KCND2: variants seen among roughly 807,000 people sequenced by gnomAD.
KCND2 encodes the protein potassium voltage-gated channel subfamily D member 2.
Under a neutral mutation model 54.4 loss-of-function variants are expected in KCND2, and 16 were observed. The observed-to-expected ratio is 0.29, with a 90% CI of 0.20 to 0.45. The LOEUF (loss-of-function observed/expected upper bound fraction) is 0.45, where lower values mean the gene tolerates loss of function less well. Ranked by LOEUF, KCND2 falls within the 20% of genes least tolerant of loss-of-function variation. KCND2 has a pLI of 1.00. For synonymous variants in KCND2, 317 were observed against 310.7 expected (o/e 1.02, Z -0.21); for missense variants, 486 against 824.2 (o/e 0.59, Z 5.02).
intron 1 of KCND2, among the ~76,000 whole-genome samples, chr7:120,540,937 A>G (rs1791972314): frequency 6.6e-6 from 1 of 152,192 alleles, no homozygotes; most frequent in South Asian, 2.1e-4. Context: ...CAGATTGACT[A>G]GGCTATTCAT....
At position 120,630,315 on chromosome 7, in the gene KCND2, G is replaced by A. The variant is rs186273551; in HGVS notation, c.1116-102588G>A. On this transcript the variant is annotated intron_variant, in intron 1 of 5. Coordinates refer to ENST00000331113, the MANE Select transcript of KCND2 (RefSeq NM_012281.3). ...AGTATCCTAAAGAAAGAAATGTGAG[G>A]CAGAATCCATAGACAGTGATTTGAA... Among the ~76,000 whole-genome samples the A allele has an allele frequency of 1.9e-4, 29 of 152,150 alleles. No homozygotes were observed. In the East Asian group the frequency reaches 5.4e-3, roughly 28 times the overall value.
At chr7:120,575,833 C>A (rs1792425177) in intron 1 of KCND2, among the ~76,000 whole-genome samples, 1 of 152,200 alleles carries the variant, frequency 6.6e-6, no homozygotes. Flanking sequence ...ACACTCTTCA[C>A]ATGCCCTTGC....
intron 1 of KCND2, among the ~76,000 whole-genome samples, chr7:120,727,571 T>C (rs1010625504): frequency 6.6e-6 from 1 of 152,220 alleles, no homozygotes; most frequent in African/African-American, 2.4e-5. Context: ...TCTGAGGAAT[T>C]GGTCTTCCAC....
chr7:120,436,433 C>G (rs548168717), intron 1 of KCND2, among the ~76,000 whole-genome samples: 6 of 152,264 alleles, frequency 3.9e-5, no homozygotes, highest in African/African-American at 1.4e-4. Flanking sequence ...TAGGAGTTGT[C>G]CTATATGTCA....
chr7:120,436,491 C>T (rs1392787673), intron 1 of KCND2, among the ~76,000 whole-genome samples: 1 of 152,172 alleles, frequency 6.6e-6, no homozygotes, highest in Non-Finnish European at 1.5e-5. Context: ...CTCAGGTGTT[C>T]AAGTATGCAA....
chr7:120,587,631 C>A (rs1792616940), intron 1 of KCND2, among the ~76,000 whole-genome samples: 1 of 152,002 alleles, frequency 6.6e-6, no homozygotes, highest in South Asian at 2.1e-4. Context: ...TTCAACATTT[C>A]TTTTGTAACA....
chr7:120,474,926 G>A (rs1004108715), intron 1 of KCND2, among the ~76,000 whole-genome samples: 7 of 151,690 alleles, frequency 4.6e-5, no homozygotes, highest in African/African-American at 9.7e-5. Context: ...TGTTGCCTCC[G>A]AACTCCTGGG....
intron 1 of KCND2, among the ~76,000 whole-genome samples, chr7:120,497,165 T>C (rs1802860818): frequency 6.6e-6 from 1 of 152,224 alleles, no homozygotes; most frequent in Non-Finnish European, 1.5e-5. Flanking sequence ...TAAAGGATAT[T>C]GGTAACATTT....
chr7:120,731,261 A>G (rs1458435991), intron 1 of KCND2, among the ~76,000 whole-genome samples: 2 of 152,230 alleles, frequency 1.3e-5, no homozygotes, highest in African/African-American at 2.4e-5. Flanking sequence ...GAGTGAAAAA[A>G]TAAATCAATA....
At chr7:120,681,757 A>T (rs1434828858) in intron 1 of KCND2, among the ~76,000 whole-genome samples, 1 of 152,102 alleles carries the variant, frequency 6.6e-6, no homozygotes, top group Non-Finnish European at 1.5e-5. Flanking sequence ...TATGAAAAAA[A>T]CAGTTGAAAT....
intron 1 of KCND2, among the ~76,000 whole-genome samples, chr7:120,614,712 TATATTGATATTTTTCTAA>T (rs1302847521): frequency 6.6e-6 from 1 of 152,254 alleles, no homozygotes; most frequent in Non-Finnish European, 1.5e-5. Flanking sequence ...ACAAATGTTT[TATATTGATATTTTTCTAA>T]TGTTAAGTAA....
intron 1 of KCND2, among the ~76,000 whole-genome samples, chr7:120,436,884 C>T (rs1311608179): frequency 1.3e-5 from 2 of 152,200 alleles, no homozygotes; most frequent in East Asian, 1.9e-4. Context: ...AAACTTTGCT[C>T]TTTGAGAGCC....
intron 2 of KCND2, among the ~76,000 whole-genome samples, chr7:120,735,983 T>C (rs907318670): frequency 2.0e-5 from 3 of 152,090 alleles, no homozygotes; most frequent in Non-Finnish European, 4.4e-5. Flanking sequence ...AGTTTATTTA[T>C]CTGGGACTGG....
intron 1 of KCND2, among the ~76,000 whole-genome samples, chr7:120,335,355 C>CAAAA (rs35404512): frequency 5.1e-5 from 3 of 58,376 alleles, no homozygotes; most frequent in African/African-American, 2.1e-4. Flanking sequence ...AAGACTCTAT[C>CAAAA]AAAAAAAAAA....
chr7:120,647,630 T>G (rs908336816), intron 1 of KCND2, among the ~76,000 whole-genome samples: 3 of 152,226 alleles, frequency 2.0e-5, no homozygotes, highest in African/African-American at 4.8e-5. Flanking sequence ...GAACGGCTAA[T>G]TATTTTCATT....
intron 1 of KCND2, among the ~76,000 whole-genome samples, chr7:120,295,698 A>G (rs1022765564): frequency 2.0e-5 from 3 of 152,084 alleles, no homozygotes; most frequent in Non-Finnish European, 2.9e-5. Flanking sequence ...GTGTTAATTT[A>G]CTAGTAATTC....
chr7:120,726,131 CA>C (rs201787855), intron 1 of KCND2, among the ~76,000 whole-genome samples: 12 of 150,620 alleles, frequency 8.0e-5, no homozygotes, highest in Admixed American at 1.3e-4. Context: ...TTAGCTGATC[CA>C]AAAAAAAATG....
chr7:120,685,378 G>C (rs564099250), intron 1 of KCND2, among the ~76,000 whole-genome samples: 1 of 152,192 alleles, frequency 6.6e-6, no homozygotes, highest in East Asian at 1.9e-4. Flanking sequence ...ATACACCAGC[G>C]CATGAGTCTG....
At chr7:120,293,760 A>G (rs1799471091) in intron 1 of KCND2, among the ~76,000 whole-genome samples, 1 of 151,794 alleles carries the variant, frequency 6.6e-6, no homozygotes, top group African/African-American at 2.4e-5. Flanking sequence ...TGTTACCTTT[A>G]TTTTACAGTG....
Sources: allele counts gnomAD v4.1 joint callset (sites outside exome capture counted in the v4.1 genomes callset), GRCh38; gene constraint gnomAD v4.1.1; transcripts MANE v1.5; gene names NCBI Gene and HGNC (gene_info 2026-07-23, HGNC 2026-07-21).